Variants in GALNT14 observed in about 807,000 individuals in gnomAD.
GALNT14 encodes UDP-GalNAc:polypeptide N-acetylgalactosaminyltransferase 14.
A neutral mutation model predicts 77.5 loss-of-function variants in GALNT14; 60 were observed. That is an observed-to-expected ratio of 0.77 (90% CI 0.63 to 0.96). The LOEUF is 0.96. GALNT14 is among the 40% of genes least tolerant of loss of function. The pLI, the probability that GALNT14 is intolerant of heterozygous loss-of-function variation, is 0.00. For missense variants in GALNT14, 710 were observed against 731.0 expected, an observed-to-expected ratio of 0.97 and a Z score of 0.33; for synonymous variants, 280 against 281.7, an observed-to-expected ratio of 0.99 and a Z score of 0.06.
chr2:30,979,957 A>C (rs149368324), intron 2 of GALNT14, among the ~76,000 whole-genome samples: 2 of 152,282 alleles, frequency 1.3e-5, no homozygotes, highest in East Asian at 3.9e-4. Flanking sequence ...TTCCATCCCC[A>C]GTATCTTTCA....
At chr2:30,934,575 C>A (rs886319838) in intron 9 of GALNT14, among the ~76,000 whole-genome samples, 1 of 152,176 alleles carries the variant, frequency 6.6e-6, no homozygotes, top group African/African-American at 2.4e-5. Flanking sequence ...TCTCCACTAG[C>A]TGTTTCTTTT....
At chr2:31,016,138 G>A (rs991677685) in intron 1 of GALNT14, among the ~76,000 whole-genome samples, 6 of 152,304 alleles carry the variant, frequency 3.9e-5, no homozygotes, top group East Asian at 3.9e-4. Flanking sequence ...AGCTCTGGAC[G>A]CTGGCAGTCC....
In GALNT14 at chr2:31,078,868, A is replaced by G. The variant is rs138413528; in HGVS notation, c.129+59090T>C. ...GAACCCAGGCACAGGAGAGCAGGGG[A>G]AAGTAGGGCAAAGCAGGGTTTGGGG... On this transcript the variant is annotated intron_variant, in intron 1 of 14. Coordinates refer to ENST00000349752, the MANE Select transcript of GALNT14 (RefSeq NM_024572.4). The G allele has an allele frequency of 8.9e-4, 1,129 of 1,267,610 alleles. 4 individuals carry two copies. In the Middle Eastern group the frequency reaches 0.015, roughly 17 times the overall value. 78.5% of individuals were successfully genotyped at this position (1,267,610 alleles called of 1,614,324 possible).
chr2:31,086,314 C>G (rs1361294121), intron 1 of GALNT14, among the ~76,000 whole-genome samples: 1 of 152,196 alleles, frequency 6.6e-6, no homozygotes, highest in Admixed American at 6.5e-5. Flanking sequence ...GGCCCCCAGC[C>G]TTGGGACTGC....
chr2:30,889,390 T>C, the GALNT14 span, among the ~76,000 whole-genome samples: 1 of 152,190 alleles, frequency 6.6e-6, no homozygotes. Context: ...GGTTAGACTG[T>C]TCACAAGCTT....
At chr2:30,914,508 C>T (rs1664558365) in intron 13 of GALNT14, among the ~76,000 whole-genome samples, 1 of 152,186 alleles carries the variant, frequency 6.6e-6, no homozygotes, top group Non-Finnish European at 1.5e-5. Context: ...TACCCCCTTG[C>T]CAAGGTCTGG....
At chr2:30,984,352 G>C (rs1259240830) in intron 2 of GALNT14, among the ~76,000 whole-genome samples, 1 of 152,192 alleles carries the variant, frequency 6.6e-6, no homozygotes, top group Non-Finnish European at 1.5e-5. Context: ...CTCCTGCCTG[G>C]TACTCTTTTC....
At chr2:30,924,982 C>T (rs1665280306) in intron 11 of GALNT14, among the ~76,000 whole-genome samples, 159 bp from the exon 12 acceptor site, 1 of 152,230 alleles carries the variant, frequency 6.6e-6, no homozygotes, top group Admixed American at 6.5e-5. Context: ...TAAGCAAGAA[C>T]AGATTTCTAT....
In GALNT14 at chr2:31,055,885, A is replaced by C. The variant is rs529546817; in HGVS notation, c.130-62878T>G. 1.1e-3 allele frequency among the ~76,000 whole-genome samples: 162 copies of C among 152,370 alleles called. 1 individual carries two copies. The South Asian group carries it at 0.021, about 20-fold the overall frequency. On this transcript the variant is annotated intron_variant, in intron 1 of 14. Transcript: ENST00000349752. ...CCTCTAGTTATGCTGAACAGGAGCA[A>C]GAAGAGACCTAGACAGCGCTAATAG...
At chr2:31,043,479 T>C (rs545383899) in intron 1 of GALNT14, among the ~76,000 whole-genome samples, 1 of 152,226 alleles carries the variant, frequency 6.6e-6, no homozygotes, top group South Asian at 2.1e-4. Context: ...GAAGAAACAG[T>C]GTAGACAAAC....
At position 31,138,396 on chromosome 2, in the gene GALNT14, C is replaced by A. The variant is rs1263678847; in HGVS notation, c.-310G>T. ...TTCCCCACGCCGCCACCGCGGCTGC[C>A]GCCGCCGCCGCCGCCGCCTTGCCCG... On this transcript the variant is annotated 5_prime_UTR_variant, in exon 1 of 15. Coordinates refer to ENST00000349752, the MANE Select transcript of GALNT14 (RefSeq NM_024572.4). The A allele has an allele frequency of 6.2e-6, 2 of 323,026 alleles. No individual in the cohort carries two copies. The highest frequency in any genetic ancestry group is 4.0e-5 in the South Asian group (1 of 24,910). The allele number at this position is 323,026 out of a possible 1,614,324, so 20.0% of individuals were successfully genotyped here.
At chr2:31,010,614 C>T (rs529314101) in intron 1 of GALNT14, among the ~76,000 whole-genome samples, 46 of 152,242 alleles carry the variant, frequency 3.0e-4, no homozygotes, top group Admixed American at 1.1e-3. Context: ...GACTCTGTCT[C>T]AAGATGACAT....
chr2:31,083,325 T>C (rs1676248802), intron 1 of GALNT14, among the ~76,000 whole-genome samples: 1 of 152,186 alleles, frequency 6.6e-6, no homozygotes, highest in African/African-American at 2.4e-5. Context: ...CGTTCTTGGA[T>C]ATAGAACTGA....
At chr2:30,945,061 G>T in intron 7 of GALNT14, 119 bp from the exon 8 acceptor site, 2 of 779,548 alleles carry the variant, frequency 2.6e-6, no homozygotes, top group Non-Finnish European at 1.9e-6. Context: ...CAAAGAGGCC[G>T]GTCCCTGGGA....
chr2:30,890,732 GT>G, the GALNT14 span, among the ~76,000 whole-genome samples: 1 of 152,140 alleles, frequency 6.6e-6, no homozygotes, highest in South Asian at 2.1e-4. Context: ...CCTCCTCAGT[GT>G]TCCTTGTCTG....
At position 31,136,770 on chromosome 2, in the gene GALNT14, A is replaced by G. The variant is rs569054673; in HGVS notation, c.129+1188T>C. ...CCAGTAGAACGACTTAAGGTACGTG[A>G]CTTAAAGACCCTGAACCTGTTTTCC... On this transcript the variant is annotated intron_variant, in intron 1 of 14. Coordinates refer to ENST00000349752, the MANE Select transcript of GALNT14 (RefSeq NM_024572.4). Among the ~76,000 whole-genome samples the G allele has an allele frequency of 2.6e-5, 4 of 152,246 alleles. No homozygotes were observed. The East Asian group carries it at 7.7e-4, about 29-fold the overall frequency.
chr2:31,004,944 C>T (rs1199730410), intron 1 of GALNT14, among the ~76,000 whole-genome samples: 2 of 152,188 alleles, frequency 1.3e-5, no homozygotes, highest in African/African-American at 4.8e-5. Flanking sequence ...CCTGGAGTCA[C>T]TGAGAAATGT....
chr2:31,129,876 G>A (rs374275419), intron 1 of GALNT14, among the ~76,000 whole-genome samples: 76 of 152,306 alleles, frequency 5.0e-4, no homozygotes, highest in African/African-American at 1.6e-3. Context: ...GAGAGAGCTC[G>A]TCAAGAGAGA....
intron 1 of GALNT14, among the ~76,000 whole-genome samples, chr2:31,097,753 T>G (rs1255359505): frequency 6.6e-6 from 1 of 152,102 alleles, no homozygotes; most frequent in Non-Finnish European, 1.5e-5. Flanking sequence ...ACTCCCCTGA[T>G]GCTGAAGATC....
Sources: gnomAD v4.1 joint callset for allele counts (sites outside exome capture counted in the v4.1 genomes callset) on GRCh38, gnomAD v4.1.1 for gene constraint, MANE v1.5 for transcripts, NCBI Gene and HGNC (gene_info 2026-07-23, HGNC 2026-07-21) for gene names.